The following MAD1L1 variants were observed in gnomAD, a reference collection of about 807,000 sequenced individuals.
MAD1L1 encodes mitotic spindle assembly checkpoint protein MAD1.
A neutral mutation model predicts 96.9 loss-of-function variants in MAD1L1; 95 were observed. The observed-to-expected ratio is 0.98, with a 90% CI of 0.83 to 1.16. The LOEUF is 1.16. Among genes scored for constraint, MAD1L1 ranks in the 50% most tolerant of loss-of-function variants. MAD1L1 has a pLI of 0.00. For missense variants in MAD1L1, 1,007 were observed against 954.4 expected (o/e 1.06, Z -0.73); for synonymous variants, 473 against 396.6 (o/e 1.19, Z -2.29).
intron 18 of MAD1L1, among the ~76,000 whole-genome samples, chr7:1,874,032 AG>A (rs1785245427): frequency 6.6e-6 from 1 of 152,076 alleles, no homozygotes; most frequent in Non-Finnish European, 1.5e-5. Flanking sequence ...GGCTGAGGAC[AG>A]GCGGGCCTCT....
At chr7:1,934,167 C>T (rs1202560769) in intron 17 of MAD1L1, among the ~76,000 whole-genome samples, 2 of 152,190 alleles carry the variant, frequency 1.3e-5, no homozygotes, top group African/African-American at 2.4e-5. Context: ...CGCCATGTGG[C>T]GCGGCCCCCA....
At chr7:2,079,579 AGGCCACAC>A in intron 11 of MAD1L1, 1 of 466,796 alleles carries the variant, frequency 2.1e-6, no homozygotes, top group Non-Finnish European at 4.5e-6. Context: ...AGATAAACAG[AGGCCACAC>A]GGCAAATACT....
intron 12 of MAD1L1, among the ~76,000 whole-genome samples, chr7:2,033,675 A>T (rs1178522328): frequency 3.9e-5 from 6 of 152,164 alleles, no homozygotes; most frequent in Admixed American, 2.0e-4. Context: ...AAATGCTAAC[A>T]CTCAGCACGA....
At chr7:1,907,247 C>A (rs927821111) in intron 17 of MAD1L1, among the ~76,000 whole-genome samples, 1 of 152,216 alleles carries the variant, frequency 6.6e-6, no homozygotes, top group Non-Finnish European at 1.5e-5. Context: ...TGGACCGGTG[C>A]CCCAGTGAGG....
At chr7:1,880,148 G>C (rs1785604138) in intron 18 of MAD1L1, among the ~76,000 whole-genome samples, 1 of 152,344 alleles carries the variant, frequency 6.6e-6, no homozygotes, top group Non-Finnish European at 1.5e-5. Flanking sequence ...AGGAGTGACA[G>C]GTGAGAACCG....
chr7:2,010,278 G>A (rs977201260), intron 13 of MAD1L1, among the ~76,000 whole-genome samples: 3 of 151,902 alleles, frequency 2.0e-5, no homozygotes, highest in African/African-American at 7.3e-5. Flanking sequence ...AGAGCTGCCC[G>A]AGCCTCTGGG....
At chr7:1,882,733 C>T (rs1785762742) in intron 18 of MAD1L1, among the ~76,000 whole-genome samples, 1 of 152,228 alleles carries the variant, frequency 6.6e-6, no homozygotes, top group South Asian at 2.1e-4. Flanking sequence ...CACAGGCCCG[C>T]TGCATGGCCC....
chr7:2,129,154 C>T (rs1322238958), intron 11 of MAD1L1, among the ~76,000 whole-genome samples: 1 of 152,164 alleles, frequency 6.6e-6, no homozygotes, highest in Non-Finnish European at 1.5e-5. Flanking sequence ...AGGCGCATTC[C>T]ATGAGGGGCC....
At chr7:2,054,302 G>A (rs899136719) in intron 12 of MAD1L1, among the ~76,000 whole-genome samples, 8 of 152,240 alleles carry the variant, frequency 5.3e-5, no homozygotes, top group South Asian at 2.1e-4. Flanking sequence ...AGGCAGAGAC[G>A]GCGGTCGGGC....
At chr7:2,179,106 A>G (rs1388969860) in intron 10 of MAD1L1, among the ~76,000 whole-genome samples, 2 of 152,204 alleles carry the variant, frequency 1.3e-5, no homozygotes, top group Non-Finnish European at 2.9e-5. Context: ...TCTGAAAACT[A>G]ACCAAAGGCT....
chr7:2,066,424 C>G (rs1485376466), intron 12 of MAD1L1, among the ~76,000 whole-genome samples: 1 of 152,254 alleles, frequency 6.6e-6, no homozygotes, highest in Non-Finnish European at 1.5e-5. Flanking sequence ...TGGGGCTACA[C>G]GGGCGACTGG....
intron 11 of MAD1L1, among the ~76,000 whole-genome samples, chr7:2,137,541 C>A (rs752628686): frequency 1.7e-4 from 26 of 152,182 alleles, no homozygotes; most frequent in Non-Finnish European, 3.1e-4. Context: ...CTTGCACACA[C>A]CACCTCTGGC....
intron 18 of MAD1L1, among the ~76,000 whole-genome samples, chr7:1,864,046 T>C (rs1784656899): frequency 6.6e-6 from 1 of 152,018 alleles, no homozygotes; most frequent in African/African-American, 2.4e-5. Context: ...TGAGCCGAGA[T>C]CGCGCCACTG....
intron 16 of MAD1L1, among the ~76,000 whole-genome samples, chr7:1,946,229 C>T (rs1300639946): frequency 6.6e-6 from 1 of 152,204 alleles, no homozygotes; most frequent in Non-Finnish European, 1.5e-5. Context: ...AGCTGCAGGC[C>T]CAGGGGGTCA....
intron 18 of MAD1L1, among the ~76,000 whole-genome samples, chr7:1,897,714 G>A (rs1786970991): frequency 1.3e-5 from 2 of 152,228 alleles, no homozygotes; most frequent in South Asian, 4.1e-4. Flanking sequence ...CGCGAGTGTA[G>A]AGATGCGGCT....
intron 17 of MAD1L1, among the ~76,000 whole-genome samples, chr7:1,916,471 GA>G (rs1308158816): frequency 6.6e-6 from 1 of 152,200 alleles, no homozygotes; most frequent in Non-Finnish European, 1.5e-5. Context: ...ACGAGGCGGG[GA>G]CAGCACGCTG....
chr7:2,225,382 G>C (rs1172313095), intron 4 of MAD1L1, 28 bp downstream of exon 4: 2 of 1,610,914 alleles, frequency 1.2e-6, no homozygotes, highest in Non-Finnish European at 1.7e-6. Flanking sequence ...GGGCTGTCTG[G>C]GCCGACCCTC....
intron 12 of MAD1L1, among the ~76,000 whole-genome samples, chr7:2,037,286 C>T (rs1026324823): frequency 4.0e-5 from 6 of 151,776 alleles, no homozygotes; most frequent in African/African-American, 9.7e-5. Context: ...ATATTCCACA[C>T]CCAGGTGCCC....
chr7:2,206,136 AAAAT>A (rs1370200955), intron 10 of MAD1L1, among the ~76,000 whole-genome samples: 27 of 152,206 alleles, frequency 1.8e-4, no homozygotes, highest in African/African-American at 6.3e-4. Context: ...CATCTCCAAA[AAAAT>A]AAATAAATAA....
Sources: gnomAD v4.1 joint callset for allele counts (sites outside exome capture counted in the v4.1 genomes callset) on GRCh38, gnomAD v4.1.1 for gene constraint, MANE v1.5 for transcripts, NCBI Gene and HGNC (gene_info 2026-07-23, HGNC 2026-07-21) for gene names.